The following CMTM8 variants were observed in gnomAD, a reference collection of about 807,000 sequenced individuals.
CMTM8 encodes CKLF-like MARVEL transmembrane domain-containing protein 8.
Under a neutral mutation model 18.6 loss-of-function variants are expected in CMTM8, and 12 were observed. The ratio of observed to expected loss-of-function variants is 0.65; its 90% confidence interval spans 0.41 to 1.05. The LOEUF (loss-of-function observed/expected upper bound fraction) is 1.05. CMTM8 is among the 50% of genes least tolerant of loss of function. The pLI is 0.00. For missense variants in CMTM8, 217 were observed against 227.2 expected, an observed-to-expected ratio of 0.95 and a Z score of 0.29; for synonymous variants, 87 against 90.6, an observed-to-expected ratio of 0.96 and a Z score of 0.23.
At chr3:32,341,071 A>G (rs1380342739) in intron 1 of CMTM8, among the ~76,000 whole-genome samples, 1 of 152,254 alleles carries the variant, frequency 6.6e-6, no homozygotes, top group Non-Finnish European at 1.5e-5. Flanking sequence ...ATTAGTTGCC[A>G]TCCTGTTTTC....
intron 2 of CMTM8, among the ~76,000 whole-genome samples, chr3:32,359,993 G>C (rs544249224): frequency 1.3e-5 from 2 of 152,140 alleles, no homozygotes. Context: ...CTGAGCGGTA[G>C]GTAGGAACTA....
At chr3:32,348,037 A>G (rs1196715906) in intron 1 of CMTM8, among the ~76,000 whole-genome samples, 1 of 151,906 alleles carries the variant, frequency 6.6e-6, no homozygotes, top group Non-Finnish European at 1.5e-5. Context: ...TTTAAAGTTT[A>G]TGCTCTCCTT....
At chr3:32,282,425 A>G (rs1044726334) in intron 1 of CMTM8, among the ~76,000 whole-genome samples, 1 of 152,144 alleles carries the variant, frequency 6.6e-6, no homozygotes, top group Non-Finnish European at 1.5e-5. Context: ...TGGATATTGG[A>G]TATTATCATT....
chr3:32,267,996 G>A (rs2125541844), intron 1 of CMTM8, among the ~76,000 whole-genome samples: 1 of 152,214 alleles, frequency 6.6e-6, no homozygotes, highest in Admixed American at 6.5e-5. Context: ...ACTGTTGGTG[G>A]GACTGTAAAC....
At chr3:32,312,203 G>C (rs1198012523) in intron 1 of CMTM8, among the ~76,000 whole-genome samples, 1 of 152,148 alleles carries the variant, frequency 6.6e-6, no homozygotes, top group African/African-American at 2.4e-5. Flanking sequence ...TAGTTCAAGG[G>C]CAGAGGGGTA....
chr3:32,331,435 G>A (rs575936193), intron 1 of CMTM8, among the ~76,000 whole-genome samples: 52 of 151,332 alleles, frequency 3.4e-4, no homozygotes, highest in African/African-American at 9.0e-4. Flanking sequence ...AAAATAAAAT[G>A]TACTATATGA....
intron 1 of CMTM8, among the ~76,000 whole-genome samples, chr3:32,312,543 T>TG (rs1170982875): frequency 2.0e-5 from 3 of 152,134 alleles, no homozygotes; most frequent in African/African-American, 7.2e-5. Flanking sequence ...CCCATGGAGT[T>TG]GGGGGTCACC....
rs142771007 is a variant in CMTM8, at chr3:32,365,349, T to C, written c.322-2523T>C. ...AGAACATTTTTATACCAAGGAGGGATTGACTTTCAGAAAAGAGTAGACTTC... is the reference window on the plus strand; with the variant it reads ...AGAACATTTTTATACCAAGGAGGGACTGACTTTCAGAAAAGAGTAGACTTC... On this transcript the variant is annotated intron_variant, in intron 2 of 3. Transcript: ENST00000307526. 2.6e-4 allele frequency among the ~76,000 whole-genome samples: 40 copies of C among 151,876 alleles called. No homozygotes were observed. In the East Asian group the frequency reaches 5.2e-3, roughly 20 times the overall value.
intron 1 of CMTM8, among the ~76,000 whole-genome samples, chr3:32,302,085 C>T (rs944939999): frequency 7.3e-5 from 11 of 150,166 alleles, no homozygotes; most frequent in East Asian, 2.0e-4. Context: ...GTAATCCCAA[C>T]GCTTTGGGGG....
intron 2 of CMTM8, among the ~76,000 whole-genome samples, chr3:32,367,093 G>A (rs939753429): frequency 6.6e-6 from 1 of 152,056 alleles, no homozygotes; most frequent in Admixed American, 6.5e-5. Flanking sequence ...GACCACAGAG[G>A]GCCCACTCCT....
chr3:32,257,716 C>G (rs1702192408), intron 1 of CMTM8, among the ~76,000 whole-genome samples: 1 of 151,934 alleles, frequency 6.6e-6, no homozygotes, highest in African/African-American at 2.4e-5. Flanking sequence ...ACCACTTCTG[C>G]TTGTTGAATC....
At chr3:32,361,285 A>AGTTTTTTTTTTGTTTTTTTTT (rs1350130022) in intron 2 of CMTM8, among the ~76,000 whole-genome samples, 377 of 23,890 alleles carry the variant, frequency 0.016, 4 homozygotes, top group African/African-American at 0.033. Flanking sequence ...CCAGCCTAAG[A>AGTTTTTTTTTTGTTTTTTTTT]GTTTTTTTTT....
intron 1 of CMTM8, among the ~76,000 whole-genome samples, chr3:32,330,227 GA>G (rs1266813784): frequency 4.3e-5 from 4 of 92,266 alleles, no homozygotes; most frequent in Non-Finnish European, 8.8e-5. Flanking sequence ...TGCAGAAATA[GA>G]AAAAAAATCC....
intron 1 of CMTM8, among the ~76,000 whole-genome samples, chr3:32,343,353 G>C (rs150108356): frequency 1.3e-5 from 2 of 152,326 alleles, no homozygotes; most frequent in East Asian, 1.9e-4. Context: ...GGAGACTGCT[G>C]TCTGATGCCA....
Position 32,238,911 on chromosome 3 carries a change from C to CCCCA in CMTM8, c.-62_-61insCCCA. 1 of 1,465,784 alleles carries CCCCA rather than the reference C, an allele frequency of 6.8e-7. No individual in the cohort carries two copies. Among genetic ancestry groups the CCCCA allele is most frequent in the South Asian group, 1.4e-5 (1 of 73,354 alleles). 90.8% of individuals were successfully genotyped at this position (1,465,784 alleles called of 1,614,324 possible). A position where few individuals can be genotyped will look rare whatever the true frequency, so the allele number is the denominator to read the frequency against. ...CCTGTGTCCCCAGGGCGCAGGGCCG[C>CCCCA]GCGTCCAGCCCCAGACCCGCCGGGG... On this transcript the variant is annotated 5_prime_UTR_variant, in exon 1 of 4. Coordinates refer to ENST00000307526, the MANE Select transcript of CMTM8 (RefSeq NM_178868.5).
At chr3:32,295,548 C>A (rs770941666) in intron 1 of CMTM8, among the ~76,000 whole-genome samples, 1 of 149,900 alleles carries the variant, frequency 6.7e-6, no homozygotes, top group Non-Finnish European at 1.5e-5. Context: ...GTGATAGACA[C>A]CCAATGAATA....
intron 1 of CMTM8, among the ~76,000 whole-genome samples, chr3:32,308,460 T>C (rs1695756897): frequency 6.6e-6 from 1 of 152,196 alleles, no homozygotes; most frequent in Non-Finnish European, 1.5e-5. Context: ...CAGCCCGCAG[T>C]TTCTTCTCCA....
intron 1 of CMTM8, among the ~76,000 whole-genome samples, chr3:32,276,518 G>T (rs1391823879): frequency 6.6e-6 from 1 of 152,176 alleles, no homozygotes; most frequent in Non-Finnish European, 1.5e-5. Context: ...GTAATTGCCT[G>T]TGGCTAGCCA....
intron 1 of CMTM8, among the ~76,000 whole-genome samples, chr3:32,356,278 G>A (rs1158807484): frequency 6.6e-6 from 1 of 152,210 alleles, no homozygotes; most frequent in Non-Finnish European, 1.5e-5. Flanking sequence ...GCCAGGACTT[G>A]CAGGGCTAGA....
Sources: allele counts gnomAD v4.1 joint callset (sites outside exome capture counted in the v4.1 genomes callset), GRCh38; gene constraint gnomAD v4.1.1; transcripts MANE v1.5; gene names NCBI Gene and HGNC (gene_info 2026-07-23, HGNC 2026-07-21).